TTLL5: variants seen among roughly 807,000 people sequenced by gnomAD.
TTLL5 encodes tubulin tyrosine ligase like 5.
In TTLL5, 132 loss-of-function variants were observed where a neutral mutation model predicts 168.4. That is an observed-to-expected ratio of 0.78 (90% CI 0.68 to 0.91). The LOEUF (loss-of-function observed/expected upper bound fraction) is 0.91, where lower values mean the gene tolerates loss of function less well. Among genes scored for constraint, TTLL5 ranks in the 40% least tolerant of loss-of-function variants. TTLL5 has a pLI of 0.00. For missense variants in TTLL5, 1,545 were observed against 1,581.5 expected (o/e 0.98, Z 0.39); for synonymous variants, 546 against 558.6 (o/e 0.98, Z 0.32).
At chr14:75,754,694 A>G (rs986772276) in intron 18 of TTLL5, among the ~76,000 whole-genome samples, 1 of 152,216 alleles carries the variant, frequency 6.6e-6, no homozygotes. Flanking sequence ...TCTAATACCT[A>G]CCGTAATTTC....
At chr14:75,871,672 T>A (rs1481617551) in intron 29 of TTLL5, among the ~76,000 whole-genome samples, 2 of 152,172 alleles carry the variant, frequency 1.3e-5, no homozygotes, top group Non-Finnish European at 2.9e-5. Flanking sequence ...CTCCGTGGCC[T>A]GTGGTTTGTT....
At chr14:75,778,667 A>G (rs1891863882) in intron 23 of TTLL5, among the ~76,000 whole-genome samples, 1 of 152,204 alleles carries the variant, frequency 6.6e-6, no homozygotes, top group Non-Finnish European at 1.5e-5. Context: ...CTTAATAGCC[A>G]CTTTCCTAGA....
chr14:75,753,025 G>C, intron 18 of TTLL5, 70 bp downstream of exon 18: 1 of 1,432,006 alleles, frequency 7.0e-7, no homozygotes, highest in Non-Finnish European at 9.7e-7. Flanking sequence ...GTCAAAGAAG[G>C]AAACAGACCT....
At chr14:75,807,901 G>A (rs557914820) in intron 27 of TTLL5, among the ~76,000 whole-genome samples, 27 of 152,322 alleles carry the variant, frequency 1.8e-4, no homozygotes, top group African/African-American at 6.3e-4. Context: ...TGCTTCTCTA[G>A]TTCTTGAAGC....
At chr14:75,728,607 C>T (rs1270803149) in intron 12 of TTLL5, among the ~76,000 whole-genome samples, 1 of 151,942 alleles carries the variant, frequency 6.6e-6, no homozygotes, top group African/African-American at 2.4e-5. Flanking sequence ...TGAAGATGTC[C>T]AAAAGGCAAT....
chr14:75,837,764 G>GT (rs966579216), intron 28 of TTLL5, among the ~76,000 whole-genome samples: 2 of 152,030 alleles, frequency 1.3e-5, no homozygotes, highest in Non-Finnish European at 2.9e-5. Context: ...GTTATAATGT[G>GT]TCAGAATTTC....
At chr14:75,736,362 C>T (rs1402245943) in intron 15 of TTLL5, among the ~76,000 whole-genome samples, 2 of 151,986 alleles carry the variant, frequency 1.3e-5, no homozygotes, top group African/African-American at 4.8e-5. Context: ...TTTCTGTTTG[C>T]GAAATCCATA....
At chr14:75,881,366 T>C (rs2031802804) in intron 29 of TTLL5, among the ~76,000 whole-genome samples, 1 of 152,206 alleles carries the variant, frequency 6.6e-6, no homozygotes, top group Non-Finnish European at 1.5e-5. Flanking sequence ...CTCTTTGTTC[T>C]TTGTCAAGCA....
intron 7 of TTLL5, among the ~76,000 whole-genome samples, chr14:75,699,875 C>G (rs1442962181): frequency 6.6e-6 from 1 of 152,206 alleles, no homozygotes; most frequent in Non-Finnish European, 1.5e-5. Context: ...ACTGGTCTCA[C>G]TCCCTGGACT....
At chr14:75,682,901 G>A (rs759919192) in intron 4 of TTLL5, among the ~76,000 whole-genome samples, 3 of 151,800 alleles carry the variant, frequency 2.0e-5, no homozygotes, top group Admixed American at 6.6e-5. Flanking sequence ...CAAGTAGTTG[G>A]TACTACAGGT....
intron 31 of TTLL5, among the ~76,000 whole-genome samples, chr14:75,923,947 T>C (rs1485170724): frequency 6.6e-6 from 1 of 152,228 alleles, no homozygotes; most frequent in African/African-American, 2.4e-5. Context: ...ATTGATCCCT[T>C]TACCATTATG....
intron 31 of TTLL5, chr14:75,906,483 G>A: frequency 1.0e-6 from 1 of 979,466 alleles, no homozygotes; most frequent in Non-Finnish European, 1.2e-6. Context: ...CCTAGTTTCA[G>A]ATTTTACCTT....
chr14:75,693,581 C>T (rs1253253181), intron 6 of TTLL5, among the ~76,000 whole-genome samples: 1 of 152,194 alleles, frequency 6.6e-6, no homozygotes, highest in Non-Finnish European at 1.5e-5. Context: ...CTGCCAGTTA[C>T]AGTATTTAGT....
intron 7 of TTLL5, among the ~76,000 whole-genome samples, chr14:75,700,375 T>C (rs1382836152): frequency 6.6e-6 from 1 of 152,222 alleles, no homozygotes; most frequent in African/African-American, 2.4e-5. Context: ...GGCTCAAGCA[T>C]GTGCCCTAAG....
At chr14:75,777,214 G>A (rs1489381700) in intron 23 of TTLL5, among the ~76,000 whole-genome samples, 1 of 152,186 alleles carries the variant, frequency 6.6e-6, no homozygotes, top group Non-Finnish European at 1.5e-5. Flanking sequence ...TAGCAGGGCT[G>A]TAGTTCTCGA....
intron 5 of TTLL5, among the ~76,000 whole-genome samples, 169 bp from the exon 6 acceptor site, chr14:75,690,023 T>G (rs189773842): frequency 6.6e-6 from 1 of 152,330 alleles, no homozygotes; most frequent in African/African-American, 2.4e-5. Flanking sequence ...AAAACCCATT[T>G]GATAAAAATG....
chr14:75,943,110 G>T (rs1005628142), intron 31 of TTLL5, among the ~76,000 whole-genome samples: 1 of 152,172 alleles, frequency 6.6e-6, no homozygotes, highest in Non-Finnish European at 1.5e-5. Flanking sequence ...TCGGGGAAGA[G>T]CTGGGCTGTA....
intron 4 of TTLL5, among the ~76,000 whole-genome samples, chr14:75,682,105 G>A (rs1013856172): frequency 2.7e-5 from 4 of 150,710 alleles, no homozygotes; most frequent in East Asian, 2.0e-4. Flanking sequence ...CAGGAGAATC[G>A]CTTGAACTTG....
intron 9 of TTLL5, among the ~76,000 whole-genome samples, chr14:75,708,000 G>A (rs188984314): frequency 6.6e-6 from 1 of 152,184 alleles, no homozygotes; most frequent in Non-Finnish European, 1.5e-5. Flanking sequence ...GTATTTTCCT[G>A]CAGTGACAAT....
Sources: allele counts gnomAD v4.1 joint callset (sites outside exome capture counted in the v4.1 genomes callset), GRCh38; gene constraint gnomAD v4.1.1; transcripts MANE v1.5; gene names NCBI Gene and HGNC (gene_info 2026-07-23, HGNC 2026-07-21).